ZFHX3: variants seen among roughly 807,000 people sequenced by gnomAD.
ZFHX3 encodes zinc finger homeobox 3.
Under a neutral mutation model 279.1 loss-of-function variants are expected in ZFHX3, and 42 were observed. The ratio of observed to expected loss-of-function variants is 0.15; its 90% CI spans 0.12 to 0.19. The LOEUF is 0.19. ZFHX3 is among the 10% of genes least tolerant of loss of function. The pLI is 1.00. For missense variants in ZFHX3, 4,981 were observed against 4,754.0 expected (o/e 1.05, Z -1.40); for synonymous variants, 2,293 against 1,957.8 (o/e 1.17, Z -4.52).
chr16:73,344,158 A>G (rs2016084277), intron 3 of ZFHX3, among the ~76,000 whole-genome samples: 1 of 152,220 alleles, frequency 6.6e-6, no homozygotes, highest in Non-Finnish European at 1.5e-5. Context: ...CACCTCAGCC[A>G]AGTCATTAAA....
chr16:73,553,548 T>G (rs2020233469), intron 2 of ZFHX3, among the ~76,000 whole-genome samples: 1 of 152,208 alleles, frequency 6.6e-6, no homozygotes, highest in South Asian at 2.1e-4. Context: ...GTGAATATGA[T>G]GAAACATTGG....
chr16:73,226,918 T>C (rs2012612215), intron 5 of ZFHX3, among the ~76,000 whole-genome samples: 1 of 152,206 alleles, frequency 6.6e-6, no homozygotes, highest in South Asian at 2.1e-4. Context: ...ATTCCACGAA[T>C]AGGGGCTATA....
intron 1 of ZFHX3, among the ~76,000 whole-genome samples, chr16:73,007,594 C>T (rs1963757444): frequency 6.6e-6 from 1 of 152,000 alleles, no homozygotes; most frequent in South Asian, 2.1e-4. Context: ...CTACGGGTGC[C>T]CACCACCGCA....
At chr16:73,394,243 T>C (rs1488320041) in intron 3 of ZFHX3, among the ~76,000 whole-genome samples, 2,564 of 150,730 alleles carry the variant, frequency 0.017, 79 homozygotes, top group African/African-American at 0.058. Flanking sequence ...TTTTCTGTTT[T>C]TTTTTTTTTT....
At chr16:73,209,111 A>G (rs985463985) in intron 5 of ZFHX3, among the ~76,000 whole-genome samples, 12 of 152,198 alleles carry the variant, frequency 7.9e-5, no homozygotes, top group Non-Finnish European at 1.6e-4. Context: ...AAACAACACA[A>G]AAACAAGAGT....
At chr16:73,659,526 C>T (rs980590430) in intron 2 of ZFHX3, among the ~76,000 whole-genome samples, 3 of 152,084 alleles carry the variant, frequency 2.0e-5, no homozygotes, top group Admixed American at 6.5e-5. Flanking sequence ...GGGCACCATG[C>T]GCACTCACAA....
At chr16:72,954,920 T>C (rs1216959754) in intron 2 of ZFHX3, among the ~76,000 whole-genome samples, 1 of 152,090 alleles carries the variant, frequency 6.6e-6, no homozygotes, top group Non-Finnish European at 1.5e-5. Flanking sequence ...AAAACATTTT[T>C]CTCCCTGCAG....
intron 1 of ZFHX3, among the ~76,000 whole-genome samples, chr16:73,719,343 T>C (rs2053450871): frequency 6.6e-6 from 1 of 152,224 alleles, no homozygotes; most frequent in African/African-American, 2.4e-5. Flanking sequence ...ATTCCTCCCA[T>C]TATGTCAGGT....
intron 2 of ZFHX3, among the ~76,000 whole-genome samples, chr16:73,584,512 AAC>A (rs1337291184): frequency 6.6e-6 from 1 of 152,242 alleles, no homozygotes; most frequent in Non-Finnish European, 1.5e-5. Flanking sequence ...TGTACACTTC[AAC>A]AGATAGTGGG....
At chr16:73,792,584 G>A (rs1292343215) in intron 1 of ZFHX3, among the ~76,000 whole-genome samples, 3 of 152,194 alleles carry the variant, frequency 2.0e-5, no homozygotes, top group Non-Finnish European at 4.4e-5. Flanking sequence ...CGTCCTGTAA[G>A]TAGCTACCTA....
chr16:73,262,145 G>T (rs2013844772), intron 4 of ZFHX3, among the ~76,000 whole-genome samples: 1 of 152,214 alleles, frequency 6.6e-6, no homozygotes, highest in South Asian at 2.1e-4. Flanking sequence ...TCACATTTAA[G>T]TGAATTTAAT....
rs1567519346 is a variant in ZFHX3, at chr16:72,798,027, T to C, written c.4655A>G (p.Glu1552Gly). Residue 1552 changes from glutamate (E) to glycine (G), a missense_variant, in exon 9 of 10, where the codon GAA (glutamate) becomes GGA (glycine). Glu to Gly is a moderately conservative substitution (Grantham distance 98). Transcript: ENST00000268489. ...CAGGATATTCTTTTGAGTGAAAGAT[T>C]CCTTGCAGACGGTACACTTGTAAGG... is the stretch of plus-strand genomic sequence containing the variant. ...SRPYKCTVCK[E>G]SFTQKNILLV... is the part of the protein sequence containing the mutation. 6.2e-7 allele frequency: 1 copy of C among 1,614,202 alleles called. No homozygotes were observed. The highest frequency in any genetic ancestry group is 8.5e-7 in the Non-Finnish European group (1 of 1,180,042).
At chr16:73,522,069 T>C (rs1306241599) in intron 2 of ZFHX3, among the ~76,000 whole-genome samples, 2 of 152,210 alleles carry the variant, frequency 1.3e-5, no homozygotes, top group African/African-American at 4.8e-5. Flanking sequence ...TGCCTTTACT[T>C]AATGAATATA....
chr16:73,483,184 C>T (rs933762136), intron 2 of ZFHX3: 2 of 339,974 alleles, frequency 5.9e-6, no homozygotes, highest in African/African-American at 2.2e-5. Context: ...CGAGGGTGAC[C>T]CCGGAGGAAG....
At chr16:73,276,266 C>A (rs2014300971) in intron 4 of ZFHX3, among the ~76,000 whole-genome samples, 1 of 151,560 alleles carries the variant, frequency 6.6e-6, no homozygotes, top group South Asian at 2.1e-4. Flanking sequence ...TCACTGCAAC[C>A]TCCACCTCCC....
intron 4 of ZFHX3, among the ~76,000 whole-genome samples, chr16:72,881,787 G>GAAATCCAGGGACAGCACCCCC (rs879843732): frequency 5.2e-4 from 79 of 152,126 alleles, no homozygotes; most frequent in Non-Finnish European, 8.5e-4. Flanking sequence ...CCCCTCCAGT[G>GAAATCCAGGGACAGCACCCCC]AAATCCAGGG....
chr16:72,874,197 G>GTTTTTTT (rs2038242298), intron 4 of ZFHX3, among the ~76,000 whole-genome samples: 2 of 89,696 alleles, frequency 2.2e-5, no homozygotes, highest in African/African-American at 1.1e-4. Flanking sequence ...AGGATTTTTT[G>GTTTTTTT]ATTTTTTTTT....
intron 1 of ZFHX3, among the ~76,000 whole-genome samples, chr16:73,884,608 C>T (rs756810284): frequency 7.2e-5 from 11 of 152,174 alleles, no homozygotes; most frequent in Admixed American, 4.6e-4. Context: ...TGACTATTCC[C>T]GAAATGACCA....
chr16:73,837,412 G>A (rs1404704375), intron 1 of ZFHX3, among the ~76,000 whole-genome samples: 1 of 152,138 alleles, frequency 6.6e-6, no homozygotes, highest in Non-Finnish European at 1.5e-5. Context: ...ATCTGCTTAG[G>A]TAAAACCTTG....
Sources: gnomAD v4.1 joint callset for allele counts (sites outside exome capture counted in the v4.1 genomes callset) on GRCh38, gnomAD v4.1.1 for gene constraint, MANE v1.5 for transcripts, NCBI Gene and HGNC (gene_info 2026-07-23, HGNC 2026-07-21) for gene names.